The following GFRA1 variants were observed in gnomAD, a reference collection of about 807,000 sequenced individuals.
GFRA1 encodes the protein GDNF family receptor alpha-1.
GFRA1 carries 16 observed loss-of-function variants against 51.6 expected under a neutral mutation model. The ratio of observed to expected loss-of-function variants is 0.31; its 90% confidence interval spans 0.21 to 0.47. The LOEUF (loss-of-function observed/expected upper bound fraction) is 0.47. Among genes scored for constraint, GFRA1 ranks in the 20% least tolerant of loss-of-function variants. GFRA1 has a pLI of 1.00. For missense variants in GFRA1, 530 were observed against 594.3 expected, an observed-to-expected ratio of 0.89 and a Z score of 1.13; for synonymous variants, 270 against 241.3, an observed-to-expected ratio of 1.12 and a Z score of -1.10.
At chr10:116,139,239 A>G (rs1958462144) in intron 5 of GFRA1, among the ~76,000 whole-genome samples, 1 of 152,232 alleles carries the variant, frequency 6.6e-6, no homozygotes, top group African/African-American at 2.4e-5. Flanking sequence ...AGAACGTGGC[A>G]TTCCTGAGCT....
intron 9 of GFRA1, among the ~76,000 whole-genome samples, chr10:116,083,770 G>T (rs916105881): frequency 2.0e-5 from 3 of 152,186 alleles, no homozygotes; most frequent in Non-Finnish European, 4.4e-5. Flanking sequence ...TGGAACAAAT[G>T]GACTTTGGAT....
chr10:116,169,204 A>G (rs1960790152), intron 5 of GFRA1, among the ~76,000 whole-genome samples: 1 of 152,254 alleles, frequency 6.6e-6, no homozygotes, highest in African/African-American at 2.4e-5. Context: ...CCCTGAGAAC[A>G]TCAAGATCCC....
At chr10:116,229,253 T>A (rs1966533125) in intron 4 of GFRA1, among the ~76,000 whole-genome samples, 1 of 151,990 alleles carries the variant, frequency 6.6e-6, no homozygotes, top group Non-Finnish European at 1.5e-5. Flanking sequence ...AGTGGGGTGG[T>A]GAGGCAATGA....
chr10:116,149,751 T>A (rs1345528959), intron 5 of GFRA1, among the ~76,000 whole-genome samples: 1 of 152,138 alleles, frequency 6.6e-6, no homozygotes, highest in Non-Finnish European at 1.5e-5. Flanking sequence ...TTTAGTTATA[T>A]AAAAACAAGT....
intron 5 of GFRA1, among the ~76,000 whole-genome samples, chr10:116,134,412 G>A (rs1958231990): frequency 6.6e-6 from 1 of 152,190 alleles, no homozygotes; most frequent in Non-Finnish European, 1.5e-5. Context: ...TTTTCTGCAA[G>A]CTCACAGTGA....
intron 6 of GFRA1, among the ~76,000 whole-genome samples, chr10:116,105,279 T>C (rs1462203780): frequency 1.3e-5 from 2 of 152,180 alleles, no homozygotes; most frequent in African/African-American, 4.8e-5. Flanking sequence ...ACTTTAGAAA[T>C]CAGTTTTGTG....
At chr10:116,071,629 G>A (rs1955396955) in intron 9 of GFRA1, among the ~76,000 whole-genome samples, 1 of 152,218 alleles carries the variant, frequency 6.6e-6, no homozygotes, top group Non-Finnish European at 1.5e-5. Flanking sequence ...TGGCACCAAT[G>A]GGACAGTCAG....
intron 4 of GFRA1, among the ~76,000 whole-genome samples, chr10:116,249,975 A>G (rs960508075): frequency 6.6e-6 from 1 of 152,182 alleles, no homozygotes; most frequent in Non-Finnish European, 1.5e-5. Context: ...TCTCCTTTTT[A>G]TGGAAGACCT....
At chr10:116,087,155 C>T (rs556052317) in intron 9 of GFRA1, among the ~76,000 whole-genome samples, 3 of 152,190 alleles carry the variant, frequency 2.0e-5, no homozygotes, top group Non-Finnish European at 4.4e-5. Flanking sequence ...GTTGCCGGGA[C>T]AACCCTGAGG....
At chr10:116,203,568 G>T (rs1964501977) in intron 5 of GFRA1, among the ~76,000 whole-genome samples, 1 of 152,204 alleles carries the variant, frequency 6.6e-6, no homozygotes. Context: ...GGCAGCTGGG[G>T]GAAGGTGGCA....
chr10:116,120,982 A>G (rs192606440), intron 6 of GFRA1, among the ~76,000 whole-genome samples: 1 of 152,274 alleles, frequency 6.6e-6, no homozygotes, highest in African/African-American at 2.4e-5. Flanking sequence ...TGGAAGCAGA[A>G]GGCGTTTTGG....
At chr10:116,223,370 T>C (rs1356680702) in intron 4 of GFRA1, among the ~76,000 whole-genome samples, 1 of 152,226 alleles carries the variant, frequency 6.6e-6, no homozygotes, top group Admixed American at 6.5e-5. Flanking sequence ...TCAGAGGTAA[T>C]TGGAAGCAAG....
At chr10:116,191,142 C>T (rs988487670) in intron 5 of GFRA1, among the ~76,000 whole-genome samples, 1 of 152,180 alleles carries the variant, frequency 6.6e-6, no homozygotes, top group Non-Finnish European at 1.5e-5. Context: ...TGACAGCCTA[C>T]TGGGAGACAT....
intron 5 of GFRA1, 56 bp downstream of exon 5, chr10:116,211,575 C>G (rs1412799701): frequency 2.7e-6 from 4 of 1,469,628 alleles, no homozygotes; most frequent in Non-Finnish European, 2.8e-6. Context: ...AGACCATACC[C>G]ATGTTCCCCA....
chr10:116,093,666 G>C, intron 8 of GFRA1, 36 bp downstream of exon 8: 5 of 1,599,330 alleles, frequency 3.1e-6, no homozygotes, highest in African/African-American at 1.3e-5. Context: ...AAGAAAATGC[G>C]TTTGCTCCTT....
chr10:116,151,715 A>T (rs1959071670), intron 5 of GFRA1, among the ~76,000 whole-genome samples: 1 of 152,102 alleles, frequency 6.6e-6, no homozygotes, highest in African/African-American at 2.4e-5. Flanking sequence ...CCACACAGTG[A>T]AGACCTGGCA....
intron 7 of GFRA1, among the ~76,000 whole-genome samples, chr10:116,094,234 CT>C (rs1187703958): frequency 1.3e-5 from 2 of 152,140 alleles, no homozygotes; most frequent in Non-Finnish European, 2.9e-5. Flanking sequence ...TTGTTTAGGA[CT>C]TTGAATCCAC....
chr10:116,253,260 A>G (rs542650404), intron 4 of GFRA1, among the ~76,000 whole-genome samples: 1 of 152,354 alleles, frequency 6.6e-6, no homozygotes, highest in East Asian at 1.9e-4. Context: ...GAGCGCCAGG[A>G]TACCTGGAGG....
At chr10:116,214,721 T>A (rs1479634447) in intron 4 of GFRA1, among the ~76,000 whole-genome samples, 2 of 152,202 alleles carry the variant, frequency 1.3e-5, no homozygotes, top group African/African-American at 2.4e-5. Context: ...TCGACATCCG[T>A]CCAGAATCCT....
Sources: allele counts gnomAD v4.1 joint callset (sites outside exome capture counted in the v4.1 genomes callset), GRCh38; gene constraint gnomAD v4.1.1; transcripts MANE v1.5; gene names NCBI Gene and HGNC (gene_info 2026-07-23, HGNC 2026-07-21).